Variants in GSE1 observed in about 807,000 individuals in gnomAD.
GSE1 encodes Gse1 coiled-coil protein.
Under a neutral mutation model 112.6 loss-of-function variants are expected in GSE1, and 32 were observed. The observed-to-expected ratio is 0.28, with a 90% CI of 0.21 to 0.38. The LOEUF (loss-of-function observed/expected upper bound fraction) is 0.38, where lower values mean the gene tolerates loss of function less well. Ranked by LOEUF, GSE1 falls within the 10% of genes least tolerant of loss-of-function variation. GSE1 has a pLI of 1.00. For synonymous variants in GSE1, 1,115 were observed against 735.6 expected (o/e 1.52, Z -8.35); for missense variants, 2,348 against 1,699.2 (o/e 1.38, Z -6.71).
At chr16:85,513,976 C>T (rs997589565) in intron 2 of GSE1, among the ~76,000 whole-genome samples, 2 of 152,088 alleles carry the variant, frequency 1.3e-5, no homozygotes, top group Non-Finnish European at 2.9e-5. Context: ...GTGGGATCCT[C>T]CTGTTGAGAC....
chr16:85,445,940 A>G (rs559950958), intron 2 of GSE1, among the ~76,000 whole-genome samples: 1 of 152,324 alleles, frequency 6.6e-6, no homozygotes, highest in Admixed American at 6.5e-5. Flanking sequence ...CCAGTGCCCC[A>G]TCTGTGAAAT....
At chr16:85,451,304 G>A (rs1304544732) in intron 2 of GSE1, among the ~76,000 whole-genome samples, 1 of 152,172 alleles carries the variant, frequency 6.6e-6, no homozygotes, top group Non-Finnish European at 1.5e-5. Context: ...TTTCTGACTT[G>A]ATTGTTTCAC....
intron 1 of GSE1, among the ~76,000 whole-genome samples, chr16:85,257,677 G>C (rs985941250): frequency 1.3e-5 from 2 of 152,192 alleles, no homozygotes; most frequent in Non-Finnish European, 2.9e-5. Context: ...AGGACGTGGT[G>C]GTGCGCACCT....
chr16:85,577,046 C>T (rs1372082863), intron 1 of GSE1, among the ~76,000 whole-genome samples: 2 of 152,126 alleles, frequency 1.3e-5, no homozygotes, highest in Non-Finnish European at 2.9e-5. Context: ...CCCAAGCACC[C>T]GGCCAGGGGC....
intron 2 of GSE1, among the ~76,000 whole-genome samples, chr16:85,507,541 C>A (rs1291543740): frequency 6.6e-6 from 1 of 152,234 alleles, no homozygotes; most frequent in Non-Finnish European, 1.5e-5. Flanking sequence ...AATCCATTTC[C>A]TTGCAGTTCT....
intron 1 of GSE1, among the ~76,000 whole-genome samples, chr16:85,567,030 TCCCGCCCCCACCCCCACC>T (rs2045780882): frequency 6.7e-6 from 1 of 149,876 alleles, no homozygotes; most frequent in Non-Finnish European, 1.5e-5. Context: ...AAGGTGTTAC[TCCCGCCCCCACCCCCACC>T]CCCACCCCCA....
intron 12 of GSE1, among the ~76,000 whole-genome samples, 166 bp downstream of exon 12, chr16:85,665,294 A>C (rs528493245): frequency 2.6e-5 from 4 of 152,172 alleles, no homozygotes; most frequent in Non-Finnish European, 1.5e-5. Context: ...TGTGACAGTC[A>C]TTGGGACGGA....
At chr16:85,289,504 C>T (rs539268796) in intron 1 of GSE1, among the ~76,000 whole-genome samples, 5 of 152,172 alleles carry the variant, frequency 3.3e-5, no homozygotes, top group Non-Finnish European at 5.9e-5. Flanking sequence ...GTGGAAATGC[C>T]GTTTCCCATT....
intron 1 of GSE1, among the ~76,000 whole-genome samples, chr16:85,202,866 C>G (rs1458396748): frequency 1.3e-5 from 2 of 152,194 alleles, no homozygotes; most frequent in Non-Finnish European, 2.9e-5. Flanking sequence ...CTGCGCTCGC[C>G]CTGGAGACAG....
At chr16:85,530,226 G>A (rs974149217) in intron 2 of GSE1, among the ~76,000 whole-genome samples, 2 of 152,190 alleles carry the variant, frequency 1.3e-5, no homozygotes, top group East Asian at 1.9e-4. Context: ...TAACGATATT[G>A]ATCAATCTCT....
intron 2 of GSE1, among the ~76,000 whole-genome samples, chr16:85,510,856 CCTGAAGCGCTGTTCCCAGGT>C (rs1479456934): frequency 9.2e-5 from 14 of 152,014 alleles, no homozygotes; most frequent in African/African-American, 3.1e-4. Flanking sequence ...GTTCCCTTTC[CCTGAAGCGCTGTTCCCAGGT>C]CTGCACAAGC....
At chr16:85,462,130 C>T (rs918089120) in intron 2 of GSE1, among the ~76,000 whole-genome samples, 1 of 152,202 alleles carries the variant, frequency 6.6e-6, no homozygotes, top group Admixed American at 6.5e-5. Flanking sequence ...GAGCTACACA[C>T]ACCCTCTGTC....
chr16:85,340,202 T>A (rs1159200436), intron 1 of GSE1, among the ~76,000 whole-genome samples: 1 of 151,690 alleles, frequency 6.6e-6, no homozygotes, highest in African/African-American at 2.4e-5. Context: ...AGAAAAAAAT[T>A]AGCCGGGTGT....
chr16:85,517,283 G>A (rs2051981528), intron 2 of GSE1, among the ~76,000 whole-genome samples: 1 of 152,154 alleles, frequency 6.6e-6, no homozygotes, highest in Non-Finnish European at 1.5e-5. Flanking sequence ...GACACACGCA[G>A]GGGCCTAGGT....
At chr16:85,255,121 C>T (rs1027003314) in intron 1 of GSE1, among the ~76,000 whole-genome samples, 3 of 152,220 alleles carry the variant, frequency 2.0e-5, no homozygotes, top group Non-Finnish European at 4.4e-5. Context: ...CAGCTTCCGG[C>T]TCCCCGAGGG....
intron 2 of GSE1, among the ~76,000 whole-genome samples, chr16:85,545,776 G>T (rs8053550): frequency 0.37 from 55,681 of 151,690 alleles, 10,421 homozygotes; most frequent in Middle Eastern, 0.53. Flanking sequence ...TTTTTGGTTT[G>T]TTTGTTTGTT....
chr16:85,183,228 C>T (rs1194274545), intron 1 of GSE1, among the ~76,000 whole-genome samples: 4 of 152,188 alleles, frequency 2.6e-5, no homozygotes, highest in Non-Finnish European at 5.9e-5. Context: ...CACACACCCT[C>T]TCTCATTCAT....
At chr16:85,280,717 G>A (rs2044832901) in intron 1 of GSE1, among the ~76,000 whole-genome samples, 1 of 152,150 alleles carries the variant, frequency 6.6e-6, no homozygotes, top group South Asian at 2.1e-4. Context: ...TTAATTTGGG[G>A]ATTGCCCCCA....
intron 2 of GSE1, among the ~76,000 whole-genome samples, chr16:85,636,015 C>CGGGTGGCCT: frequency 6.6e-6 from 1 of 152,370 alleles, no homozygotes; most frequent in Non-Finnish European, 1.5e-5. Flanking sequence ...GCTCGGCCAG[C>CGGGTGGCCT]GGGTGGCCTG....
Sources: allele counts gnomAD v4.1 joint callset (sites outside exome capture counted in the v4.1 genomes callset), GRCh38; gene constraint gnomAD v4.1.1; transcripts MANE v1.5; gene names NCBI Gene and HGNC (gene_info 2026-07-23, HGNC 2026-07-21).